Variants in SUGCT observed in about 807,000 individuals in gnomAD.
SUGCT encodes the protein succinyl-CoA:glutarate-CoA transferase.
Under a neutral mutation model 55.0 loss-of-function variants are expected in SUGCT, and 41 were observed. The observed-to-expected ratio is 0.74, with a 90% confidence interval of 0.58 to 0.97. The LOEUF (loss-of-function observed/expected upper bound fraction) is 0.97. SUGCT is among the 50% of genes least tolerant of loss of function. The pLI is 0.00. For missense variants in SUGCT, 568 were observed against 547.8 expected (o/e 1.04, Z -0.37); for synonymous variants, 187 against 200.4 (o/e 0.93, Z 0.56).
At chr7:40,925,921 C>T in the SUGCT span, among the ~76,000 whole-genome samples, 26 of 152,028 alleles carry the variant, frequency 1.7e-4, no homozygotes, top group Admixed American at 9.2e-4. Context: ...TGGCGAAACT[C>T]CATCTCTACA....
At chr7:40,379,312 A>T (rs1430095378) in intron 9 of SUGCT, among the ~76,000 whole-genome samples, 1 of 152,198 alleles carries the variant, frequency 6.6e-6, no homozygotes, top group African/African-American at 2.4e-5. Flanking sequence ...TGGCAACCTT[A>T]CAAAACTAAT....
intron 12 of SUGCT, among the ~76,000 whole-genome samples, chr7:40,663,296 CA>C (rs71000127): frequency 0.15 from 22,330 of 148,964 alleles, 1,936 homozygotes; most frequent in Non-Finnish European, 0.19. Context: ...ATGTATATTT[CA>C]AAAAAAAAAT....
chr7:40,428,068 A>G (rs566256777), intron 9 of SUGCT, among the ~76,000 whole-genome samples: 1 of 152,010 alleles, frequency 6.6e-6, no homozygotes, highest in Non-Finnish European at 1.5e-5. Flanking sequence ...TGCTTGTTTC[A>G]TATATTTTCA....
downstream of SUGCT, among the ~76,000 whole-genome samples, chr7:40,863,376 A>G (rs2128811101): frequency 6.6e-6 from 1 of 152,226 alleles, no homozygotes; most frequent in Admixed American, 6.5e-5. Context: ...TGAGTTTGCT[A>G]TTTCACCACT....
At chr7:40,908,893 C>T in the SUGCT span, among the ~76,000 whole-genome samples, 7 of 152,102 alleles carry the variant, frequency 4.6e-5, no homozygotes, top group East Asian at 5.8e-4. Context: ...TGTGTACATG[C>T]GCTTTTCTGT....
At chr7:40,259,694 C>T (rs1321476886) in intron 7 of SUGCT, among the ~76,000 whole-genome samples, 3 of 152,062 alleles carry the variant, frequency 2.0e-5, no homozygotes, top group Admixed American at 6.6e-5. Context: ...CTTTACTTAC[C>T]GACATTCATT....
intron 6 of SUGCT, among the ~76,000 whole-genome samples, chr7:40,210,046 T>A (rs1787243774): frequency 6.6e-6 from 1 of 152,128 alleles, no homozygotes; most frequent in Admixed American, 6.6e-5. Context: ...TACCTTGAAT[T>A]TTCTATTTTT....
At chr7:40,902,378 G>C in the SUGCT span, among the ~76,000 whole-genome samples, 1 of 152,000 alleles carries the variant, frequency 6.6e-6, no homozygotes, top group Admixed American at 6.6e-5. Context: ...CGGAGACTGA[G>C]ACCATCCTGG....
Position 40,252,478 on chromosome 7 carries a change from T to C in SUGCT, c.576+14752T>C, listed in dbSNP as rs74301951. On this transcript the variant is annotated intron_variant, in intron 7 of 13. Transcript: ENST00000335693. ...GGGGTACCTTTCAAACAATGTAAGA[T>C]ATTTTATGAAACAGAACAAATTTTA... Among the ~76,000 whole-genome samples the C allele has an allele frequency of 2.3e-3, 354 of 152,274 alleles. 6 individuals carry two copies. The East Asian group carries it at 0.06, about 26-fold the overall frequency.
chr7:40,654,639 A>T (rs1800931980), intron 12 of SUGCT, among the ~76,000 whole-genome samples: 1 of 152,208 alleles, frequency 6.6e-6, no homozygotes, highest in Non-Finnish European at 1.5e-5. Context: ...TATATGCTTC[A>T]CACACACAAA....
chr7:40,204,404 G>A (rs1329296289), intron 6 of SUGCT, among the ~76,000 whole-genome samples: 1 of 151,472 alleles, frequency 6.6e-6, no homozygotes, highest in African/African-American at 2.4e-5. Context: ...CCGGGTTCAC[G>A]CCATTCTCCT....
At chr7:40,232,972 C>A (rs1022766786) in intron 6 of SUGCT, among the ~76,000 whole-genome samples, 8 of 152,132 alleles carry the variant, frequency 5.3e-5, no homozygotes, top group African/African-American at 1.9e-4. Context: ...CTATCTGGAT[C>A]CCAGGCTTAA....
At chr7:40,185,552 C>T (rs548339258) in intron 3 of SUGCT, among the ~76,000 whole-genome samples, 9 of 151,832 alleles carry the variant, frequency 5.9e-5, no homozygotes, top group South Asian at 2.1e-4. Flanking sequence ...ACAGACTTTT[C>T]GCTCTTCTTG....
chr7:40,826,375 C>T (rs1335281027), intron 13 of SUGCT, among the ~76,000 whole-genome samples: 3 of 152,044 alleles, frequency 2.0e-5, no homozygotes, highest in African/African-American at 7.3e-5. Flanking sequence ...TGCAAACATG[C>T]TATACACCTG....
At chr7:40,786,593 C>A (rs1362089384) in intron 13 of SUGCT, among the ~76,000 whole-genome samples, 1 of 151,666 alleles carries the variant, frequency 6.6e-6, no homozygotes, top group Non-Finnish European at 1.5e-5. Flanking sequence ...AAGTAAAGAG[C>A]CATATTAAGC....
chr7:40,608,914 C>A (rs1454758339), intron 12 of SUGCT, among the ~76,000 whole-genome samples: 2 of 152,146 alleles, frequency 1.3e-5, no homozygotes, highest in Non-Finnish European at 2.9e-5. Context: ...TAGAACAGCT[C>A]CGAGTTGTAG....
intron 9 of SUGCT, among the ~76,000 whole-genome samples, chr7:40,396,928 C>T (rs1785765040): frequency 6.6e-6 from 1 of 152,080 alleles, no homozygotes; most frequent in Non-Finnish European, 1.5e-5. Context: ...GAGGGAATGA[C>T]CCCCTTCTGA....
chr7:40,454,803 A>G (rs901093140), intron 10 of SUGCT, among the ~76,000 whole-genome samples: 1 of 152,210 alleles, frequency 6.6e-6, no homozygotes, highest in Non-Finnish European at 1.5e-5. Context: ...GATGTTCTGT[A>G]TAAAGGAAAA....
intron 13 of SUGCT, among the ~76,000 whole-genome samples, chr7:40,765,919 A>G (rs961439819): frequency 5.9e-5 from 9 of 152,168 alleles, no homozygotes; most frequent in Non-Finnish European, 8.8e-5. Context: ...GTTTTCAGCC[A>G]TGTATTTTCT....
Sources: gnomAD v4.1 joint callset for allele counts (sites outside exome capture counted in the v4.1 genomes callset) on GRCh38, gnomAD v4.1.1 for gene constraint, MANE v1.5 for transcripts, NCBI Gene and HGNC (gene_info 2026-07-23, HGNC 2026-07-21) for gene names.